Variants in SEPTIN6 observed in about 807,000 individuals in gnomAD.
SEPTIN6 encodes the protein septin 6, also known as septin-6.
SEPTIN6 carries 8 observed loss-of-function variants against 33.6 expected under a neutral mutation model. The ratio of observed to expected loss-of-function variants is 0.24; its 90% confidence interval spans 0.14 to 0.43. SEPTIN6 has a LOEUF of 0.43. Ranked by LOEUF, SEPTIN6 falls within the 20% of genes least tolerant of loss-of-function variation. SEPTIN6 has a pLI of 1.00. For synonymous variants in SEPTIN6, 131 were observed against 140.0 expected (o/e 0.94, Z 0.45); for missense variants, 250 against 340.8 (o/e 0.73, Z 2.10).
chrX:119,675,700 A>C (rs747238671), intron 1 of SEPTIN6, 32 bp from the exon 2 acceptor site: 4 of 892,156 alleles, frequency 4.5e-6, no homozygotes, highest in Non-Finnish European at 3.0e-6. Context: ...AGAAAATGAA[A>C]ATGTGCTTAA....
chrX:119,682,327 A>G (rs755241930), intron 1 of SEPTIN6, among the ~76,000 whole-genome samples: 3 of 111,714 alleles, frequency 2.7e-5, no homozygotes, highest in Admixed American at 9.5e-5. Flanking sequence ...AACATTTTTA[A>G]TATAAGAAAG....
Position 119,663,529 on chromosome X carries a change from C to G in SEPTIN6, c.294G>C (p.Thr98=). ...CCCCAAAGCCAACTGTGCTAACGAT[C>G]GTGAGCTTTAGCCTCACGTTGCTCT... ...LQESNVRLKL[T]IVSTVGFGDQ... is the part of the protein sequence containing the mutation. Residue 98 remains threonine (T), a synonymous_variant, in exon 3 of 11, where the codon ACG becomes ACC. Coordinates refer to ENST00000394610, the MANE Select transcript of SEPTIN6 (RefSeq NM_145799.4). 1.9e-6 allele frequency: 2 copies of G among 1,079,871 alleles called. No individual in the cohort carries two copies. Among genetic ancestry groups the G allele is most frequent in the Non-Finnish European group, 2.5e-6 (2 of 813,079 alleles). 89.0% of individuals were successfully genotyped at this position (1,079,871 alleles called of 1,213,427 possible). A position where few individuals can be genotyped will look rare whatever the true frequency, so the allele number is the denominator to read the frequency against.
intron 6 of SEPTIN6, among the ~76,000 whole-genome samples, chrX:119,638,544 C>A (rs183584036): frequency 9.0e-6 from 1 of 111,542 alleles, no homozygotes; most frequent in African/African-American, 3.3e-5. Flanking sequence ...GTAGTGAGGG[C>A]AGAGAAGGGT....
chrX:119,633,499 A>G lies in SEPTIN6; in HGVS notation c.957-7T>C. 2 of 1,191,661 alleles carry G rather than the reference A, an allele frequency of 1.7e-6. No homozygotes were observed. The highest frequency in any genetic ancestry group is 2.3e-6 in the Non-Finnish European group (2 of 886,527). On this transcript the variant is annotated splice_region_variant and splice_polypyrimidine_tract_variant and intron_variant, in intron 7 of 10. Coordinates refer to ENST00000394610, the MANE Select transcript of SEPTIN6 (RefSeq NM_145799.4). ...CTCATATGTCTCCTGTAAACTGCGA[A>G]CATGGTCAGGTTAATTCTTCTTCCT...
At chrX:119,620,510 G>A (rs748531079) in intron 10 of SEPTIN6, among the ~76,000 whole-genome samples, 103 of 109,381 alleles carry the variant, frequency 9.4e-4, no homozygotes, top group African/African-American at 3.2e-3. Flanking sequence ...TAGTAGAGAC[G>A]GGGTTTCACC....
chrX:119,672,558 A>G (rs1176138016), intron 2 of SEPTIN6, among the ~76,000 whole-genome samples: 1 of 112,123 alleles, frequency 8.9e-6, no homozygotes, highest in Non-Finnish European at 1.9e-5. Context: ...CTTAAGGTGG[A>G]TCTGTCATTT....
At chrX:119,683,482 T>C (rs1408345564) in intron 1 of SEPTIN6, among the ~76,000 whole-genome samples, 1 of 112,353 alleles carries the variant, frequency 8.9e-6, no homozygotes, top group Non-Finnish European at 1.9e-5. Context: ...AGAAAAATGT[T>C]TTCTAAGAAT....
intron 10 of SEPTIN6, among the ~76,000 whole-genome samples, chrX:119,621,989 A>G (rs2053775257): frequency 9.1e-6 from 1 of 109,951 alleles, no homozygotes; most frequent in African/African-American, 3.3e-5. Flanking sequence ...TACCTCACAG[A>G]CCTGTTGTAA....
intron 3 of SEPTIN6, among the ~76,000 whole-genome samples, chrX:119,660,809 C>A (rs180855916): frequency 1.0e-5 from 1 of 98,681 alleles, no homozygotes; most frequent in African/African-American, 4.1e-5. Context: ...CGGGGGTGAG[C>A]GGGGGGGATC....
chrX:119,633,008 CCT>C (rs2053993675), intron 8 of SEPTIN6, among the ~76,000 whole-genome samples: 2 of 112,591 alleles, frequency 1.8e-5, no homozygotes, highest in African/African-American at 6.4e-5. Context: ...TAAAGAACAT[CCT>C]CTGATTCCTT....
chrX:119,640,261 C>T (rs1389006727), intron 6 of SEPTIN6, among the ~76,000 whole-genome samples: 2 of 104,486 alleles, frequency 1.9e-5, no homozygotes, highest in African/African-American at 3.5e-5. Context: ...CCTCGTGATC[C>T]GCCCGCCTCG....
chrX:119,665,055 C>T (rs1392128201), intron 2 of SEPTIN6, among the ~76,000 whole-genome samples: 16 of 105,906 alleles, frequency 1.5e-4, no homozygotes, highest in African/African-American at 5.2e-4. Flanking sequence ...CTAAGAGGGG[C>T]GGGGTGGGGA....
At chrX:119,672,122 A>T (rs1019674629) in intron 2 of SEPTIN6, among the ~76,000 whole-genome samples, 3 of 112,016 alleles carry the variant, frequency 2.7e-5, no homozygotes, top group Non-Finnish European at 5.6e-5. Context: ...AAATTAACCC[A>T]GTCGGGGCTG....
chrX:119,679,766 A>C (rs1234147234), intron 1 of SEPTIN6, among the ~76,000 whole-genome samples: 3 of 112,085 alleles, frequency 2.7e-5, no homozygotes. Flanking sequence ...GCTGAGAGGC[A>C]GGAGAATCAC....
At chrX:119,664,261 C>T (rs1396966488) in intron 2 of SEPTIN6, among the ~76,000 whole-genome samples, 5 of 111,521 alleles carry the variant, frequency 4.5e-5, no homozygotes, top group African/African-American at 9.8e-5. Context: ...GGATTATAGG[C>T]GTTAGCCACC....
chrX:119,682,231 C>T (rs5957210), intron 1 of SEPTIN6, among the ~76,000 whole-genome samples: 13,102 of 110,796 alleles, frequency 0.12, 1,956 homozygotes, highest in African/African-American at 0.41. Flanking sequence ...AATAGGGGCT[C>T]AGTCAAGGGA....
downstream of SEPTIN6, chrX:119,616,788 G>A (rs752799554): frequency 3.5e-6 from 4 of 1,131,155 alleles, no homozygotes; most frequent in Non-Finnish European, 4.8e-6. Flanking sequence ...ATTAGCCAAA[G>A]AAAGAGGACA....
At chrX:119,681,999 T>C (rs5957209) in intron 1 of SEPTIN6, among the ~76,000 whole-genome samples, 14,392 of 109,627 alleles carry the variant, frequency 0.13, 2,361 homozygotes, top group African/African-American at 0.45. Context: ...ATTGTGCCAC[T>C]GCACTCCAGC....
At chrX:119,631,770 T>A (rs773748433) in intron 8 of SEPTIN6, among the ~76,000 whole-genome samples, 23 of 106,333 alleles carry the variant, frequency 2.2e-4, no homozygotes, top group Non-Finnish European at 4.1e-4. Flanking sequence ...TTGTAATTAT[T>A]TTTTTTTTTT....
Sources: allele counts gnomAD v4.1 joint callset (sites outside exome capture counted in the v4.1 genomes callset), GRCh38; gene constraint gnomAD v4.1.1; transcripts MANE v1.5; gene names NCBI Gene and HGNC (gene_info 2026-07-23, HGNC 2026-07-21).